The following PLCG1 variants were observed in gnomAD, a reference collection of about 807,000 sequenced individuals.
PLCG1 encodes the protein phospholipase C gamma 1.
A neutral mutation model predicts 177.8 loss-of-function variants in PLCG1; 71 were observed. The observed-to-expected ratio is 0.40, with a 90% CI of 0.33 to 0.49. The LOEUF (loss-of-function observed/expected upper bound fraction) is 0.49. Among genes scored for constraint, PLCG1 ranks in the 20% least tolerant of loss-of-function variants. The pLI, the probability that PLCG1 is intolerant of heterozygous loss-of-function variation, is 0.72. For missense variants in PLCG1, 1,281 were observed against 1,709.0 expected (o/e 0.75, Z 4.42); for synonymous variants, 658 against 647.9 (o/e 1.02, Z -0.24).
At chr20:41,155,554 A>G (rs988131854) in intron 1 of PLCG1, among the ~76,000 whole-genome samples, 1 of 152,204 alleles carries the variant, frequency 6.6e-6, no homozygotes, top group Non-Finnish European at 1.5e-5. Context: ...CAAGTCTGTA[A>G]GAGTCCCCCT....
At position 41,165,992 on chromosome 20, in the gene PLCG1, C is replaced by A; in HGVS notation, c.1799+166C>A. The A allele has an allele frequency of 1.5e-6, 1 of 660,442 alleles. No homozygotes were observed. The highest frequency in any genetic ancestry group is 2.4e-6 in the Non-Finnish European group (1 of 408,802). 40.9% of individuals were successfully genotyped at this position (660,442 alleles called of 1,614,324 possible). A position where few individuals can be genotyped will look rare whatever the true frequency, so the allele number is the denominator to read the frequency against. Reference sequence around the variant, plus strand: ...TACACACACACACTCTCTGTCTCACCCCCCCCCCATACCCCTCCCTTTTCG... The same window carrying A: ...TACACACACACACTCTCTGTCTCACACCCCCCCCATACCCCTCCCTTTTCG... On this transcript the variant is annotated intron_variant, in intron 16 of 31. Transcript: ENST00000685551. This position sits in a 1 kb window ranked among gnomAD's most constrained non-coding sequence, Gnocchi z 6.6.
chr20:41,159,070 G>C lies in PLCG1; in HGVS notation c.218-536G>C, dbSNP rs2035410542. ...CTTGGACAGCCAGTGCCTTGGTCAG[G>C]GGATGGGGTGGGGATTAGGCCCCTT... is the stretch of plus-strand genomic sequence containing the variant. On this transcript the variant is annotated intron_variant, in intron 1 of 31. Transcript: ENST00000685551. The surrounding 1 kb of genome is among the most constrained non-coding windows in gnomAD (Gnocchi z 6.0). Among the ~76,000 whole-genome samples, 1 of 152,160 alleles carries C rather than the reference G, an allele frequency of 6.6e-6. No individual in the cohort carries two copies. Among genetic ancestry groups the C allele is most frequent in the Non-Finnish European group, 1.5e-5 (1 of 68,026 alleles).
chr20:41,168,975 G>A (rs780229116), intron 21 of PLCG1, 104 bp from the exon 22 acceptor site: 34 of 1,158,406 alleles, frequency 2.9e-5, no homozygotes, highest in Non-Finnish European at 4.0e-5. Flanking sequence ...CACCAGCAGT[G>A]CCTGCCTCAC....
rs1198760290 is a variant in PLCG1 at position 41,163,488 on chromosome 20, G to A, written c.891+9G>A. ...ACTTCTTCCTGGATGAGGTGAGCCC[G>A]ATGTTTCACCCATTTTTTGTCAAGA... On this transcript the variant is annotated intron_variant, in intron 9 of 31. Transcript: ENST00000685551. The surrounding 1 kb of genome is among the most constrained non-coding windows in gnomAD (Gnocchi z 5.2). 27 of 1,585,408 alleles carry A rather than the reference G, an allele frequency of 1.7e-5. No individual in the cohort carries two copies. Among genetic ancestry groups the A allele is most frequent in the Admixed American group, 5.0e-5 (3 of 59,948 alleles).
rs1568747695 is a variant in PLCG1, at chr20:41,165,406, G to T, written c.1509+39G>T. The T allele has an allele frequency of 6.2e-7, 1 of 1,613,814 alleles. No homozygotes were observed. The highest frequency in any genetic ancestry group is 8.5e-7 in the Non-Finnish European group (1 of 1,179,744). ...CAGGCTGGGGGTGGTAGGCCAGTGGGTGTGAGGACCCTGGCTCACAAGTCC... is the reference window on the plus strand; with the variant it reads ...CAGGCTGGGGGTGGTAGGCCAGTGGTTGTGAGGACCCTGGCTCACAAGTCC... On this transcript the variant is annotated intron_variant, in intron 14 of 31. Coordinates refer to ENST00000685551, the MANE Select transcript of PLCG1 (RefSeq NM_002660.3). This position sits in a 1 kb window ranked among gnomAD's most constrained non-coding sequence, Gnocchi z 6.6.
Position 41,172,235 on chromosome 20 carries a change from C to G in PLCG1, c.2851C>G (p.Leu951Val). The G allele has an allele frequency of 1.2e-6, 2 of 1,614,150 alleles. No individual in the cohort carries two copies. The highest frequency in any genetic ancestry group is 8.5e-7 in the Non-Finnish European group (1 of 1,179,982). Residue 951 changes from leucine (L) to valine (V), a missense_variant, in exon 25 of 32, where the codon CTG (leucine) becomes GTG (valine). By Grantham distance (32) the Leu-to-Val change is conservative (BLOSUM62 1). Coordinates refer to ENST00000685551, the MANE Select transcript of PLCG1 (RefSeq NM_002660.3). This position sits in a 1 kb window ranked among gnomAD's most constrained non-coding sequence, Gnocchi z 7.0. ...AATGGAACGGAGGAAGAAGATTGCC[C>G]TGGAGCTCTCTGAACTTGTCGTCTA... ...KIMERRKKIALELSELVVYCR... is the reference protein window; with the variant it reads ...KIMERRKKIAVELSELVVYCR...
chr20:41,140,011 A>T (rs531494284), intron 1 of PLCG1, among the ~76,000 whole-genome samples: 1 of 152,282 alleles, frequency 6.6e-6, no homozygotes, highest in African/African-American at 2.4e-5. Context: ...AACAGAAAAG[A>T]GGGGTGCAGA....
Position 41,156,054 on chromosome 20 carries a change from G to C in PLCG1, c.218-3552G>C, listed in dbSNP as rs1347721524. ...CCCAGGATTCTGCCTGGGGCACCAG[G>C]AAGCCTGGCTTATGAGAAGGTTCTC... is the stretch of plus-strand genomic sequence containing the variant. On this transcript the variant is annotated intron_variant, in intron 1 of 31. Transcript: ENST00000685551. The surrounding 1 kb of genome is among the most constrained non-coding windows in gnomAD (Gnocchi z 5.0). Among the ~76,000 whole-genome samples, 1 of 152,214 alleles carries C rather than the reference G, an allele frequency of 6.6e-6. No homozygotes were observed. Among genetic ancestry groups the C allele is most frequent in the Non-Finnish European group, 1.5e-5 (1 of 68,024 alleles).
chr20:41,140,859 A>T (rs2034800201), intron 1 of PLCG1, among the ~76,000 whole-genome samples: 1 of 152,188 alleles, frequency 6.6e-6, no homozygotes, highest in African/African-American at 2.4e-5. Context: ...ATGGAAATGG[A>T]GAATCGTTTG....
chr20:41,147,158 T>C lies in PLCG1; in HGVS notation c.217+9300T>C, dbSNP rs899654180. 6.6e-6 allele frequency among the ~76,000 whole-genome samples: 1 copy of C among 152,220 alleles called. No individual in the cohort carries two copies. Among genetic ancestry groups the C allele is most frequent in the Non-Finnish European group, 1.5e-5 (1 of 68,038 alleles). The stretch of plus-strand genomic sequence containing the variant: ...TCACTTCCTCCACCTTCAACAGTAA[T>C]TGAGTATAATGTGCCTGTGTTAGCT... On this transcript the variant is annotated intron_variant, in intron 1 of 31. Coordinates refer to ENST00000685551, the MANE Select transcript of PLCG1 (RefSeq NM_002660.3). The surrounding 1 kb of genome is among the most constrained non-coding windows in gnomAD (Gnocchi z 4.0).
In PLCG1 at chr20:41,164,939, A is replaced by G; in HGVS notation, c.1224A>G (p.Pro408=). Residue 408 remains proline (P), a synonymous_variant, in exon 13 of 32, where the codon CCA becomes CCG. Coordinates refer to ENST00000685551, the MANE Select transcript of PLCG1 (RefSeq NM_002660.3). The surrounding 1 kb of genome is among the most constrained non-coding windows in gnomAD (Gnocchi z 6.4). ...KEHAFVASEY[P]VILSIEDHCS... Reference sequence around the variant, plus strand: ...CTTGTCCCCCATCCCGCAGGTACCCAGTCATCCTGTCCATTGAGGACCACT... The same window carrying G: ...CTTGTCCCCCATCCCGCAGGTACCCGGTCATCCTGTCCATTGAGGACCACT... 1 of 1,613,798 alleles carries G rather than the reference A, an allele frequency of 6.2e-7. No homozygotes were observed. Among genetic ancestry groups the G allele is most frequent in the Non-Finnish European group, 8.5e-7 (1 of 1,179,778 alleles).
In PLCG1 at chr20:41,176,091, A is replaced by G. The variant is rs1011109794; in HGVS notation, c.*1582A>G. The G allele has an allele frequency of 1.3e-5, 2 of 152,164 alleles. No individual in the cohort carries two copies. The highest frequency in any genetic ancestry group is 2.4e-5 in the African/African-American group (1 of 41,422). 9.4% of individuals were successfully genotyped at this position (152,164 alleles called of 1,614,324 possible). A position where few individuals can be genotyped will look rare whatever the true frequency, so the allele number is the denominator to read the frequency against. On this transcript the variant is annotated 3_prime_UTR_variant, in exon 32 of 32. Transcript: ENST00000685551. ...GCCAGGTGCCATTCTGATTGCCTCT[A>G]GGACTTGGCAGCTGAAATCTCTGGG...
Position 41,167,885 on chromosome 20 carries a change from A to T in PLCG1, c.2335A>T (p.Asn779Tyr). 6.2e-7 allele frequency: 1 copy of T among 1,613,926 alleles called. No homozygotes were observed. The highest frequency in any genetic ancestry group is 8.5e-7 in the Non-Finnish European group (1 of 1,179,888). ...CTACGGGGCCCTGTATGAGGGACGC[A>T]ACCCTGGCTTCTATGTAGAGGCAAA... Reference protein sequence around the residue: ...PDYGALYEGRNPGFYVEANPM... With the variant: ...PDYGALYEGRYPGFYVEANPM... The change falls in exon 20 of 32, where the codon AAC (asparagine) becomes TAC (tyrosine). Residue 779 changes from asparagine to tyrosine, a missense_variant. Around this residue, in one of 4 missense-constraint regions of PLCG1, gnomAD observed 723 missense variants for 1,030.0 expected, o/e 0.70. Coordinates refer to ENST00000685551, the MANE Select transcript of PLCG1 (RefSeq NM_002660.3). The surrounding 1 kb of genome is among the most constrained non-coding windows in gnomAD (Gnocchi z 4.4).
intron 1 of PLCG1, among the ~76,000 whole-genome samples, chr20:41,152,278 G>T (rs1242066930): frequency 6.6e-6 from 1 of 152,236 alleles, no homozygotes; most frequent in East Asian, 1.9e-4. Context: ...GGGCCCAGCA[G>T]GGCGTGGGTG....
Position 41,176,410 on chromosome 20 carries a change from C to G in PLCG1, c.*1901C>G, listed in dbSNP as rs1600683720. On this transcript the variant is annotated 3_prime_UTR_variant, in exon 32 of 32. Transcript: ENST00000685551. ...GGCCCTCATGATCCATGTTTCCTCT[C>G]TAGGTTTTTATGGCCTGGAGAGAAA... The G allele has an allele frequency of 6.6e-6, 1 of 152,172 alleles. No homozygotes were observed. Among genetic ancestry groups the G allele is most frequent in the East Asian group, 1.9e-4 (1 of 5,198 alleles). 9.4% of individuals were successfully genotyped at this position (152,172 alleles called of 1,614,324 possible). A position where few individuals can be genotyped will look rare whatever the true frequency, so the allele number is the denominator to read the frequency against.
Position 41,172,090 on chromosome 20 carries a change from GC to G in PLCG1, c.2809-100del. On this transcript the variant is annotated intron_variant, in intron 24 of 31. Coordinates refer to ENST00000685551, the MANE Select transcript of PLCG1 (RefSeq NM_002660.3). This position sits in a 1 kb window ranked among gnomAD's most constrained non-coding sequence, Gnocchi z 7.0. ...AGGTACAGGGGAAGGTGGGAGAGGG[GC>G]CCAGAGCACCTGCAGTGTGGGCATG... 1 of 839,020 alleles carries G rather than the reference GC, an allele frequency of 1.2e-6. No individual in the cohort carries two copies. The highest frequency in any genetic ancestry group is 2.1e-6 in the Non-Finnish European group (1 of 477,908). The allele number at this position is 839,020 out of a possible 1,614,324, so 52.0% of individuals were successfully genotyped here.
In PLCG1 at chr20:41,164,556, T is replaced by C. The variant is rs949969100; in HGVS notation, c.1217+355T>C. ...GATTGTCTCTGTTCCCTGTGTCCCA[T>C]TCCTTCAATTCTGTTTACTGCTTAA... On this transcript the variant is annotated intron_variant, in intron 12 of 31. Transcript: ENST00000685551. The surrounding 1 kb of genome is among the most constrained non-coding windows in gnomAD (Gnocchi z 6.4). Among the ~76,000 whole-genome samples, 1 of 152,094 alleles carries C rather than the reference T, an allele frequency of 6.6e-6. No individual in the cohort carries two copies. The highest frequency in any genetic ancestry group is 1.9e-4 in the East Asian group (1 of 5,166).
intron 1 of PLCG1, among the ~76,000 whole-genome samples, chr20:41,138,610 C>T (rs919599207): frequency 6.6e-6 from 1 of 152,038 alleles, no homozygotes; most frequent in African/African-American, 2.4e-5. Flanking sequence ...AGATGGGCCC[C>T]ATAAAGGCCT....
chr20:41,171,442 C>G (rs1286575682), intron 24 of PLCG1, among the ~76,000 whole-genome samples: 1 of 151,984 alleles, frequency 6.6e-6, no homozygotes, highest in African/African-American at 2.4e-5. Context: ...CAAAAATTAG[C>G]CGGGCATGTT....
Sources: allele counts gnomAD v4.1 joint callset (sites outside exome capture counted in the v4.1 genomes callset), GRCh38; gene constraint gnomAD v4.1.1; regional missense constraint gnomAD v4.1.1; non-coding constraint Gnocchi (gnomAD v3.1); transcripts MANE v1.5; gene names NCBI Gene and HGNC (gene_info 2026-07-23, HGNC 2026-07-21).